Variants in GALNT13 observed in about 807,000 individuals in gnomAD.
GALNT13 encodes polypeptide N-acetylgalactosaminyltransferase 13.
GALNT13 carries 28 observed loss-of-function variants against 64.2 expected under a neutral mutation model. The observed-to-expected ratio is 0.44, with a 90% CI of 0.32 to 0.60. GALNT13 has a LOEUF of 0.60. GALNT13 is among the 20% of genes least tolerant of loss of function. The pLI is 0.05. For missense variants in GALNT13, 577 were observed against 669.8 expected (o/e 0.86, Z 1.53); for synonymous variants, 214 against 224.6 (o/e 0.95, Z 0.42).
At position 154,270,584 on chromosome 2, in the gene GALNT13, G is replaced by T. The variant is rs1313862207; in HGVS notation, c.975+11446G>T. Among the ~76,000 whole-genome samples the T allele has an allele frequency of 3.3e-5, 5 of 151,430 alleles. No individual in the cohort carries two copies. The East Asian group carries it at 9.7e-4, about 29-fold the overall frequency. On this transcript the variant is annotated intron_variant, in intron 8 of 12. Coordinates refer to ENST00000392825, the MANE Select transcript of GALNT13 (RefSeq NM_052917.4). ...CCGAGAGGAAAGATGAAAATGAAGG[G>T]CAAGAGAAATAAAGTAACAAGAAAA...
the GALNT13 span, among the ~76,000 whole-genome samples, chr2:153,577,631 A>C: frequency 6.6e-6 from 1 of 152,060 alleles, no homozygotes; most frequent in Non-Finnish European, 1.5e-5. Context: ...AGGTTCATAC[A>C]CATATATTTA....
chr2:153,249,721 C>T, the GALNT13 span, among the ~76,000 whole-genome samples: 3 of 151,996 alleles, frequency 2.0e-5, no homozygotes, highest in African/African-American at 7.3e-5. Context: ...GAAATAACAC[C>T]ATACATCTAC....
At chr2:154,224,413 T>C (rs1332771196) in intron 4 of GALNT13, among the ~76,000 whole-genome samples, 1 of 151,764 alleles carries the variant, frequency 6.6e-6, no homozygotes, top group African/African-American at 2.4e-5. Flanking sequence ...CTGATAAGCA[T>C]AAAACATTCG....
chr2:153,951,804 T>G (rs1369356840), intron 3 of GALNT13, among the ~76,000 whole-genome samples: 1 of 152,200 alleles, frequency 6.6e-6, no homozygotes, highest in Non-Finnish European at 1.5e-5. Flanking sequence ...TAAAATGGAT[T>G]ACATTCTGAC....
the GALNT13 span, among the ~76,000 whole-genome samples, chr2:153,689,102 T>TG: frequency 3.0e-4 from 26 of 85,344 alleles, no homozygotes; most frequent in African/African-American, 9.6e-4. Context: ...GTGTGTGTGT[T>TG]TAGCGTTAGT....
At chr2:153,248,126 C>T in the GALNT13 span, among the ~76,000 whole-genome samples, 3 of 152,238 alleles carry the variant, frequency 2.0e-5, no homozygotes, top group African/African-American at 7.2e-5. Context: ...CGAATTCTAC[C>T]GGAGGTACAA....
chr2:154,051,279 C>CTT (rs34890901), intron 3 of GALNT13, among the ~76,000 whole-genome samples: 1,999 of 102,238 alleles, frequency 0.02, 81 homozygotes, highest in African/African-American at 0.03. Flanking sequence ...CTTACTCCTT[C>CTT]TTTTTTTTTT....
chr2:153,855,022 T>C, the GALNT13 span, among the ~76,000 whole-genome samples: 1 of 152,170 alleles, frequency 6.6e-6, no homozygotes, highest in Non-Finnish European at 1.5e-5. Flanking sequence ...CCTACATGTA[T>C]ATAAATGATA....
At chr2:153,789,801 C>T in the GALNT13 span, among the ~76,000 whole-genome samples, 1 of 152,084 alleles carries the variant, frequency 6.6e-6, no homozygotes, top group Admixed American at 6.6e-5. Context: ...CTGATATGAA[C>T]ACCTCTATGC....
At chr2:154,219,636 T>TA (rs1261445859) in intron 4 of GALNT13, among the ~76,000 whole-genome samples, 1 of 152,124 alleles carries the variant, frequency 6.6e-6, no homozygotes, top group East Asian at 1.9e-4. Flanking sequence ...AGTAATAACT[T>TA]ACCAACCCAA....
At chr2:153,264,207 T>TA in the GALNT13 span, among the ~76,000 whole-genome samples, 1 of 152,154 alleles carries the variant, frequency 6.6e-6, no homozygotes, top group Non-Finnish European at 1.5e-5. Flanking sequence ...CACTAATTGT[T>TA]AGAGAAATGT....
chr2:153,222,088 T>C, the GALNT13 span, among the ~76,000 whole-genome samples: 5 of 151,756 alleles, frequency 3.3e-5, no homozygotes, highest in Admixed American at 6.5e-5. Flanking sequence ...CAAGTTCTTG[T>C]CCCACACCCA....
At chr2:153,865,142 C>G in the GALNT13 span, among the ~76,000 whole-genome samples, 1 of 116,812 alleles carries the variant, frequency 8.6e-6, no homozygotes, top group African/African-American at 3.3e-5. Context: ...TTCCTTACAC[C>G]TTATACAAAA....
At chr2:154,411,531 A>G (rs1353594594) in intron 11 of GALNT13, among the ~76,000 whole-genome samples, 1 of 151,788 alleles carries the variant, frequency 6.6e-6, no homozygotes, top group East Asian at 1.9e-4. Context: ...CAAAAGAGAA[A>G]AACAATCCAG....
At chr2:153,629,138 G>C in the GALNT13 span, among the ~76,000 whole-genome samples, 27 of 152,000 alleles carry the variant, frequency 1.8e-4, no homozygotes, top group African/African-American at 6.0e-4. Context: ...TTGCATAGAG[G>C]TGTTTGTAGT....
At chr2:154,165,536 T>C (rs1298054398) in intron 4 of GALNT13, among the ~76,000 whole-genome samples, 2 of 152,202 alleles carry the variant, frequency 1.3e-5, no homozygotes, top group East Asian at 3.8e-4. Context: ...CATCTTAAGA[T>C]GTGCTTGAAT....
the GALNT13 span, among the ~76,000 whole-genome samples, chr2:153,150,419 A>C: frequency 2.6e-5 from 4 of 151,982 alleles, no homozygotes; most frequent in Non-Finnish European, 4.4e-5. Flanking sequence ...CCCATTCTGT[A>C]GGTTGCCTGT....
chr2:153,443,877 C>G, the GALNT13 span, among the ~76,000 whole-genome samples: 1 of 151,984 alleles, frequency 6.6e-6, no homozygotes, highest in Non-Finnish European at 1.5e-5. Flanking sequence ...GAGCTGAGAT[C>G]ATGCCATTGC....
At chr2:153,386,138 G>A in the GALNT13 span, among the ~76,000 whole-genome samples, 1 of 152,094 alleles carries the variant, frequency 6.6e-6, no homozygotes, top group Non-Finnish European at 1.5e-5. Flanking sequence ...ATTTTTAGGA[G>A]ATTTGAATAA....
Sources: gnomAD v4.1 joint callset for allele counts (sites outside exome capture counted in the v4.1 genomes callset) on GRCh38, gnomAD v4.1.1 for gene constraint, MANE v1.5 for transcripts, NCBI Gene and HGNC (gene_info 2026-07-23, HGNC 2026-07-21) for gene names.